Variants in SEC24B observed in about 807,000 individuals in gnomAD.
SEC24B encodes the protein SEC24 homolog B, COPII component.
In SEC24B, 45 loss-of-function variants were observed where a neutral mutation model predicts 142.8. The observed-to-expected ratio is 0.32, with a 90% CI of 0.25 to 0.40. The LOEUF (loss-of-function observed/expected upper bound fraction) is 0.40, where lower values mean the gene tolerates loss of function less well. SEC24B is among the 10% of genes least tolerant of loss of function. SEC24B has a pLI of 1.00. For missense variants in SEC24B, 1,409 were observed against 1,526.8 expected, an observed-to-expected ratio of 0.92 and a Z score of 1.29; for synonymous variants, 574 against 568.2, an observed-to-expected ratio of 1.01 and a Z score of -0.15.
intron 22 of SEC24B, among the ~76,000 whole-genome samples, chr4:109,536,698 T>C (rs1725577821): frequency 1.3e-5 from 2 of 152,066 alleles, no homozygotes; most frequent in Non-Finnish European, 2.9e-5. Flanking sequence ...CCCAGCTAAT[T>C]GTTTGTATTT....
chr4:109,499,497 T>C (rs997814969), intron 6 of SEC24B, among the ~76,000 whole-genome samples: 4 of 152,124 alleles, frequency 2.6e-5, no homozygotes, highest in East Asian at 3.9e-4. Flanking sequence ...TCCTTGTGTG[T>C]GTATATACAC....
chr4:109,540,580 G>GT lies in SEC24B; in HGVS notation c.*907dup, dbSNP rs1289380054. ...GGAAGTGCAGTGATACTGCATTTCA[G>GT]TTAGTAATATATATGAATCAGGCCA... On this transcript the variant is annotated 3_prime_UTR_variant, in exon 24 of 24. Coordinates refer to ENST00000265175, the MANE Select transcript of SEC24B (RefSeq NM_006323.5). 3 of 152,188 alleles carry GT rather than the reference G, an allele frequency of 2.0e-5. No homozygotes were observed. Among genetic ancestry groups the GT allele is most frequent in the East Asian group, 3.9e-4 (2 of 5,172 alleles). The allele number at this position is 152,188 out of a possible 1,614,324, so 9.4% of individuals were successfully genotyped here.
chr4:109,536,367 T>G (rs1725536113), intron 22 of SEC24B, among the ~76,000 whole-genome samples: 1 of 152,062 alleles, frequency 6.6e-6, no homozygotes, highest in Non-Finnish European at 1.5e-5. Flanking sequence ...AAATGGAATA[T>G]TAGAAAAATA....
chr4:109,529,143 A>G (rs1246820397), intron 18 of SEC24B, among the ~76,000 whole-genome samples: 1 of 151,994 alleles, frequency 6.6e-6, no homozygotes, highest in Non-Finnish European at 1.5e-5. Context: ...AGCCTGGGAA[A>G]CAGAGGGAGA....
intron 7 of SEC24B, among the ~76,000 whole-genome samples, chr4:109,508,642 A>G (rs544177311): frequency 2.6e-5 from 4 of 152,174 alleles, no homozygotes; most frequent in Non-Finnish European, 5.9e-5. Flanking sequence ...GAAGGCATAC[A>G]TTTTTCTACC....
intron 3 of SEC24B, among the ~76,000 whole-genome samples, chr4:109,477,890 CAT>C (rs1325359541): frequency 2.6e-5 from 4 of 152,212 alleles, no homozygotes; most frequent in East Asian, 1.9e-4. Flanking sequence ...TTTTATTGCA[CAT>C]GTCACATTGA....
intron 1 of SEC24B, among the ~76,000 whole-genome samples, chr4:109,437,831 G>A (rs945521233): frequency 5.3e-5 from 8 of 152,230 alleles, no homozygotes; most frequent in African/African-American, 1.9e-4. Flanking sequence ...CACCATGTTG[G>A]CCAGGATGGT....
At chr4:109,500,698 C>A (rs1490576961) in intron 6 of SEC24B, among the ~76,000 whole-genome samples, 1 of 152,064 alleles carries the variant, frequency 6.6e-6, no homozygotes, top group Non-Finnish European at 1.5e-5. Flanking sequence ...GTCACCCAGG[C>A]TAGAGTGCAG....
chr4:109,502,287 G>A (rs1008207116), intron 6 of SEC24B, among the ~76,000 whole-genome samples: 2 of 152,190 alleles, frequency 1.3e-5, no homozygotes, highest in African/African-American at 4.8e-5. Context: ...GATTTTATCC[G>A]AGGTGCATAA....
intron 1 of SEC24B, among the ~76,000 whole-genome samples, chr4:109,438,040 T>G (rs1223227720): frequency 6.6e-6 from 1 of 152,214 alleles, no homozygotes; most frequent in African/African-American, 2.4e-5. Context: ...TCAGTTGTTT[T>G]TAAGCACAGT....
chr4:109,512,551 G>A (rs1178852365), intron 9 of SEC24B, among the ~76,000 whole-genome samples: 3 of 151,836 alleles, frequency 2.0e-5, no homozygotes, highest in African/African-American at 4.8e-5. Flanking sequence ...CATGTCATTT[G>A]ATATAATAAA....
chr4:109,527,616 C>T (rs1001103425), intron 18 of SEC24B, among the ~76,000 whole-genome samples, 184 bp downstream of exon 18: 8 of 151,848 alleles, frequency 5.3e-5, no homozygotes, highest in African/African-American at 1.7e-4. Flanking sequence ...ACTAAAAATA[C>T]GAAAAAATAG....
Position 109,532,762 on chromosome 4 carries a change from C to A in SEC24B, c.3495+19C>A. 8.3e-7 allele frequency: 1 copy of A among 1,206,460 alleles called. No individual in the cohort carries two copies. The highest frequency in any genetic ancestry group is 1.2e-6 in the Non-Finnish European group (1 of 809,186). The allele number at this position is 1,206,460 out of a possible 1,614,324, so 74.7% of individuals were successfully genotyped here. ...TGGCTCTGTAAGCACCCTTTACTGG[C>A]AAAGCTTAACACTGTTTGAGCTGAC... is the stretch of plus-strand genomic sequence containing the variant. On this transcript the variant is annotated intron_variant, in intron 21 of 23. Transcript: ENST00000265175.
intron 3 of SEC24B, among the ~76,000 whole-genome samples, chr4:109,477,316 TTTTA>T (rs1472160023): frequency 6.6e-6 from 1 of 151,780 alleles, no homozygotes; most frequent in African/African-American, 2.4e-5. Context: ...TTTTTATTAT[TTTTA>T]TTTATTTATT....
At chr4:109,446,830 G>A (rs1423913409) in intron 1 of SEC24B, among the ~76,000 whole-genome samples, 1 of 152,094 alleles carries the variant, frequency 6.6e-6, no homozygotes, top group Non-Finnish European at 1.5e-5. Context: ...AGAAATACTT[G>A]ATGATTATTT....
chr4:109,464,276 T>C (rs1406454440), intron 2 of SEC24B, among the ~76,000 whole-genome samples: 1 of 151,774 alleles, frequency 6.6e-6, no homozygotes, highest in African/African-American at 2.4e-5. Context: ...AAATTATGTA[T>C]GTAAGACGTG....
intron 4 of SEC24B, 106 bp from the exon 5 acceptor site, chr4:109,491,221 A>G (rs1411676821): frequency 6.5e-6 from 5 of 772,108 alleles, no homozygotes; most frequent in Non-Finnish European, 1.1e-5. Flanking sequence ...TACTAGAATC[A>G]GGAATTTTCC....
In SEC24B at chr4:109,433,970, C is replaced by T. The variant is rs1337235083; in HGVS notation, c.101C>T (p.Pro34Leu). ...TCAGGAGCCGCAGCGCCCGCGGGCCCGGGTGCGGGCCCGGCGCCGCACCAG... is the reference window on the plus strand; with the variant it reads ...TCAGGAGCCGCAGCGCCCGCGGGCCTGGGTGCGGGCCCGGCGCCGCACCAG... ...AVSGAAAPAG[P>L]GAGPAPHQQN... Residue 34 changes from proline (P) to leucine (L), a missense_variant, in exon 1 of 24, where the codon CCG (proline) becomes CTG (leucine). Coordinates refer to ENST00000265175, the MANE Select transcript of SEC24B (RefSeq NM_006323.5). 7 of 1,222,812 alleles carry T rather than the reference C, an allele frequency of 5.7e-6. No homozygotes were observed. Among genetic ancestry groups the T allele is most frequent in the South Asian group, 6.7e-5 (2 of 29,982 alleles). 75.7% of individuals were successfully genotyped at this position (1,222,812 alleles called of 1,614,324 possible).
chr4:109,441,489 G>T (rs1290999796), intron 1 of SEC24B, among the ~76,000 whole-genome samples: 1 of 152,164 alleles, frequency 6.6e-6, no homozygotes. Context: ...GGAGTGCAGT[G>T]ATATGATCAC....
Sources: allele counts gnomAD v4.1 joint callset (sites outside exome capture counted in the v4.1 genomes callset), GRCh38; gene constraint gnomAD v4.1.1; transcripts MANE v1.5; gene names NCBI Gene and HGNC (gene_info 2026-07-23, HGNC 2026-07-21).